Variants in UQCC1 observed in about 807,000 individuals in gnomAD.
UQCC1 encodes the protein bFGF-repressed Zic-binding protein.
Under a neutral mutation model 48.0 loss-of-function variants are expected in UQCC1, and 38 were observed. The ratio of observed to expected loss-of-function variants is 0.79; its 90% CI spans 0.61 to 1.04. UQCC1 has a LOEUF of 1.04. Ranked by LOEUF, UQCC1 falls within the 50% of genes least tolerant of loss-of-function variation. The probability of loss-of-function intolerance (pLI) is 0.00; values close to 1 mark genes in which losing one functional copy is unlikely to be tolerated. For missense variants in UQCC1, 368 were observed against 381.8 expected, an observed-to-expected ratio of 0.96 and a Z score of 0.30; for synonymous variants, 111 against 129.2, an observed-to-expected ratio of 0.86 and a Z score of 0.95.
At chr20:35,351,408 A>G (rs928829366) in intron 6 of UQCC1, among the ~76,000 whole-genome samples, 2 of 142,848 alleles carry the variant, frequency 1.4e-5, no homozygotes, top group Non-Finnish European at 3.1e-5. Context: ...AAAAAAAAAA[A>G]GCACTTTGTG....
At chr20:35,334,355 C>T (rs1014501345) in intron 7 of UQCC1, among the ~76,000 whole-genome samples, 23 of 152,136 alleles carry the variant, frequency 1.5e-4, no homozygotes, top group Non-Finnish European at 3.1e-4. Context: ...TGGAGCTAGT[C>T]TGGATAAAGA....
intron 8 of UQCC1, among the ~76,000 whole-genome samples, chr20:35,311,270 A>G (rs1238171035): frequency 6.6e-6 from 1 of 152,168 alleles, no homozygotes; most frequent in East Asian, 1.9e-4. Context: ...TCAGGGAGCA[A>G]TTTGGACCTA....
Position 35,377,439 on chromosome 20 carries a change from T to C in UQCC1, c.334-3183A>G, listed in dbSNP as rs116007669. On this transcript the variant is annotated intron_variant, in intron 4 of 9. Coordinates refer to ENST00000374385, the MANE Select transcript of UQCC1 (RefSeq NM_018244.5). Reference sequence around the variant, plus strand: ...CTAATAATATCATGATCCTAATAATTTGGCCTTGACAGGCCTACTCCTATC... The same window carrying C: ...CTAATAATATCATGATCCTAATAATCTGGCCTTGACAGGCCTACTCCTATC... 2.4e-3 allele frequency among the ~76,000 whole-genome samples: 371 copies of C among 152,332 alleles called. 1 individual carries two copies. The highest frequency in any genetic ancestry group is 8.3e-3 in the African/African-American group (345 of 41,572).
chr20:35,303,846 C>T lies in UQCC1; in HGVS notation c.*89G>A. 2 of 1,585,268 alleles carry T rather than the reference C, an allele frequency of 1.3e-6. No individual in the cohort carries two copies. Among genetic ancestry groups the T allele is most frequent in the East Asian group, 4.5e-5 (2 of 44,650 alleles). On this transcript the variant is annotated 3_prime_UTR_variant, in exon 10 of 10. Coordinates refer to ENST00000374385, the MANE Select transcript of UQCC1 (RefSeq NM_018244.5). ...ATGCTGTTCAGAGGTCAGTTCAGGC[C>T]ACTTTCTGCAGGGTCCTGGACCAAC...
intron 1 of UQCC1, among the ~76,000 whole-genome samples, chr20:35,410,315 T>C (rs1356028239): frequency 6.6e-6 from 1 of 151,566 alleles, no homozygotes; most frequent in Non-Finnish European, 1.5e-5. Context: ...AGGCGGATCA[T>C]GAGGTCAGGA....
intron 6 of UQCC1, among the ~76,000 whole-genome samples, chr20:35,350,743 T>C (rs2061481699): frequency 6.9e-6 from 1 of 144,804 alleles, no homozygotes; most frequent in African/African-American, 2.6e-5. Context: ...TTTACTGATG[T>C]GATTCGAAAC....
chr20:35,331,401 A>T (rs35777585), intron 7 of UQCC1, among the ~76,000 whole-genome samples: 12,549 of 133,368 alleles, frequency 0.094, 686 homozygotes, highest in South Asian at 0.23. Context: ...ACAGTTATTT[A>T]AAAAAAAAAA....
chr20:35,320,604 G>A (rs942225054), intron 7 of UQCC1, among the ~76,000 whole-genome samples: 1 of 152,220 alleles, frequency 6.6e-6, no homozygotes, highest in African/African-American at 2.4e-5. Flanking sequence ...GCTAGAGACA[G>A]CCACCAGATG....
intron 7 of UQCC1, among the ~76,000 whole-genome samples, chr20:35,339,573 T>G (rs1390024581): frequency 1.3e-5 from 2 of 152,190 alleles, no homozygotes; most frequent in Non-Finnish European, 2.9e-5. Flanking sequence ...GTGCATGCAC[T>G]TGAACTTTTT....
intron 2 of UQCC1, among the ~76,000 whole-genome samples, chr20:35,390,808 T>A (rs190428123): frequency 6.6e-6 from 1 of 152,176 alleles, no homozygotes; most frequent in African/African-American, 2.4e-5. Flanking sequence ...ACTAGCATTA[T>A]GTATCCCCTG....
intron 2 of UQCC1, among the ~76,000 whole-genome samples, chr20:35,386,806 A>G (rs2061949461): frequency 6.6e-6 from 1 of 151,632 alleles, no homozygotes; most frequent in Admixed American, 6.6e-5. Context: ...ATTTCACACT[A>G]TATTGAACTA....
At chr20:35,312,189 A>G (rs1369794598) in intron 8 of UQCC1, among the ~76,000 whole-genome samples, 5 of 152,160 alleles carry the variant, frequency 3.3e-5, no homozygotes, top group Non-Finnish European at 7.3e-5. Flanking sequence ...CTACAATTAC[A>G]ATTCGTCCAC....
intron 7 of UQCC1, among the ~76,000 whole-genome samples, chr20:35,329,326 T>A (rs1461905299): frequency 1.3e-5 from 2 of 152,150 alleles, no homozygotes; most frequent in Admixed American, 6.5e-5. Context: ...GATCTGAGCA[T>A]CAGTAGGACA....
intron 6 of UQCC1, among the ~76,000 whole-genome samples, chr20:35,355,249 ACT>A (rs2061534285): frequency 3.3e-5 from 5 of 152,112 alleles, no homozygotes. Context: ...GCTATATAAA[ACT>A]CTACCGCAAA....
rs114430864 is a variant in UQCC1 at position 35,346,882 on chromosome 20, A to C, written c.573+282T>G. On this transcript the variant is annotated intron_variant, in intron 7 of 9. Transcript: ENST00000374385. ...ATCATTTGATTCCCTCCATTCACCAAATCCATCCCTCCTATCACCACGATT... is the reference window on the plus strand; with the variant it reads ...ATCATTTGATTCCCTCCATTCACCACATCCATCCCTCCTATCACCACGATT... 10 of 1,042,962 alleles carry C rather than the reference A, an allele frequency of 9.6e-6. No homozygotes were observed. The African/African-American group carries it at 1.6e-4, about 17-fold the overall frequency. 64.6% of individuals were successfully genotyped at this position (1,042,962 alleles called of 1,614,324 possible).
rs191423932 is a variant in UQCC1, at chr20:35,397,432, C to T, written c.25-3236G>A. 3.2e-3 allele frequency among the ~76,000 whole-genome samples: 477 copies of T among 148,014 alleles called. 1 individual carries two copies. Among genetic ancestry groups the T allele is most frequent in the African/African-American group, 0.011 (461 of 40,108 alleles). ...TCAGGAGGCTGAGGTAGGAGAATGG[C>T]ATGAACCCGGGAGGCGGAGCTGGCA... is the stretch of plus-strand genomic sequence containing the variant. On this transcript the variant is annotated intron_variant, in intron 1 of 9. Transcript: ENST00000374385.
intron 6 of UQCC1, among the ~76,000 whole-genome samples, chr20:35,349,372 A>G (rs571250853): frequency 3.3e-5 from 5 of 152,344 alleles, no homozygotes; most frequent in East Asian, 3.9e-4. Flanking sequence ...TACAGCACAG[A>G]TAAGTCATGC....
intron 8 of UQCC1, among the ~76,000 whole-genome samples, chr20:35,311,803 A>G (rs2060997944): frequency 1.3e-5 from 2 of 152,224 alleles, no homozygotes; most frequent in African/African-American, 4.8e-5. Flanking sequence ...AGACACTGAT[A>G]TTTCTAAAAA....
intron 2 of UQCC1, among the ~76,000 whole-genome samples, chr20:35,387,214 A>C (rs187261384): frequency 1.2e-4 from 19 of 152,208 alleles, no homozygotes. Flanking sequence ...TGAACCCAGA[A>C]GGCGGAGGTT....
Sources: gnomAD v4.1 joint callset for allele counts (sites outside exome capture counted in the v4.1 genomes callset) on GRCh38, gnomAD v4.1.1 for gene constraint, MANE v1.5 for transcripts, NCBI Gene and HGNC (gene_info 2026-07-23, HGNC 2026-07-21) for gene names.